FYB1: variants seen among roughly 807,000 people sequenced by gnomAD.
FYB1 encodes the protein FYN binding protein 1.
A neutral mutation model predicts 94.1 loss-of-function variants in FYB1; 41 were observed. The ratio of observed to expected loss-of-function variants is 0.44; its 90% CI spans 0.34 to 0.57. FYB1 has a LOEUF of 0.57. FYB1 is among the 20% of genes least tolerant of loss of function. FYB1 has a pLI of 0.02. For synonymous variants in FYB1, 367 were observed against 353.2 expected (o/e 1.04, Z -0.44); for missense variants, 1,050 against 976.8 (o/e 1.07, Z -1.00).
chr5:39,202,503 G>T lies in FYB1; in HGVS notation c.458C>A (p.Pro153Gln). ...GGTTGGAGGAGTAGGCCCAGATTTCGGGCCTAGTGGCTTTAAGTCATGGTC... is the reference window on the plus strand; with the variant it reads ...GGTTGGAGGAGTAGGCCCAGATTTCTGGCCTAGTGGCTTTAAGTCATGGTC... ...NQDHDLKPLGPKSGPTPPTSE... is the reference protein window; with the variant it reads ...NQDHDLKPLGQKSGPTPPTSE... The change falls in exon 2 of 19, where the codon CCG becomes CAG. Residue 153 changes from proline to glutamine, a missense_variant. Physicochemically the swap from Pro to Gln is moderately conservative, Grantham distance 76. Transcript: ENST00000512982. 6.2e-7 allele frequency: 1 copy of T among 1,613,918 alleles called. No homozygotes were observed. Among genetic ancestry groups the T allele is most frequent in the Non-Finnish European group, 8.5e-7 (1 of 1,179,874 alleles).
Position 39,118,918 on chromosome 5 carries a change from G to T in FYB1, c.2357C>A (p.Thr786Asn). Residue 786 changes from threonine to asparagine, a missense_variant, in exon 16 of 19, where the codon ACC becomes AAC. Physicochemically the swap from Thr to Asn is moderately conservative, Grantham distance 65. Coordinates refer to ENST00000512982, the MANE Select transcript of FYB1 (RefSeq NM_001465.6). The stretch of plus-strand genomic sequence containing the variant: ...GCAGAGAACTTTTGTGTCATCTGTG[G>T]TTTGTATAACTTCTAGAGATTCACC... The part of the protein sequence containing the change: ...KPGESLEVIQ[T>N]TDDTKVLCRN... 2 of 1,557,152 alleles carry T rather than the reference G, an allele frequency of 1.3e-6. 1 individual carries two copies. Among genetic ancestry groups the T allele is most frequent in the Non-Finnish European group, 1.7e-6 (2 of 1,147,004 alleles).
chr5:39,171,971 A>T (rs1312355221), intron 2 of FYB1, among the ~76,000 whole-genome samples: 1 of 152,190 alleles, frequency 6.6e-6, no homozygotes, highest in Non-Finnish European at 1.5e-5. Context: ...AAAGATAATG[A>T]GGAGAATCAG....
intron 2 of FYB1, among the ~76,000 whole-genome samples, chr5:39,190,253 T>C (rs987753930): frequency 6.6e-6 from 1 of 152,166 alleles, no homozygotes; most frequent in African/African-American, 2.4e-5. Context: ...TTTGCAATGA[T>C]GGTTGAAGGA....
rs767322410 is a variant in FYB1 at position 39,201,834 on chromosome 5, G to A, written c.1127C>T (p.Ser376Phe). The A allele has an allele frequency of 3.1e-6, 5 of 1,611,374 alleles. No individual in the cohort carries two copies. The highest frequency in any genetic ancestry group is 3.4e-6 in the Non-Finnish European group (4 of 1,178,222). ...ACGAGAAAAGAACTCACTGTTTCCA[G>A]AAGAGGTTTTGTGGAATTTCGTCAG... ...VDLTKFHKTSSGNSTSKGQTS... is the reference protein window; with the variant it reads ...VDLTKFHKTSFGNSTSKGQTS... The change falls in exon 2 of 19, where the codon TCT becomes TTT. Residue 376 changes from serine to phenylalanine, a missense_variant. Transcript: ENST00000512982.
intron 2 of FYB1, among the ~76,000 whole-genome samples, chr5:39,155,075 A>T (rs1360771496): frequency 6.6e-6 from 1 of 152,194 alleles, no homozygotes; most frequent in African/African-American, 2.4e-5. Flanking sequence ...AAAATATAAC[A>T]CAACGAAGAA....
chr5:39,206,953 T>C (rs1292526618), intron 1 of FYB1, among the ~76,000 whole-genome samples: 1 of 152,192 alleles, frequency 6.6e-6, no homozygotes, highest in Non-Finnish European at 1.5e-5. Flanking sequence ...ACCCTTGGGA[T>C]TGTTTGGTAC....
chr5:39,157,133 C>A (rs1193498461), intron 2 of FYB1, among the ~76,000 whole-genome samples: 2 of 152,082 alleles, frequency 1.3e-5, no homozygotes, highest in East Asian at 1.9e-4. Flanking sequence ...AATTAGTAAG[C>A]CGTAGCGGTG....
chr5:39,221,083 C>A (rs2150553982), upstream of FYB1, among the ~76,000 whole-genome samples: 1 of 152,268 alleles, frequency 6.6e-6, no homozygotes, highest in African/African-American at 2.4e-5. Context: ...CAGGATAAGG[C>A]ATTTTCTAGT....
At position 39,147,452 on chromosome 5, in the gene FYB1, C is replaced by CTGTGTGTGTGTG. The variant is rs71606520; in HGVS notation, c.1292+5984_1292+5995dup. 8.8e-3 allele frequency among the ~76,000 whole-genome samples: 1,271 copies of CTGTGTGTGTGTG among 144,586 alleles called. 23 individuals are homozygous for CTGTGTGTGTGTG. Among genetic ancestry groups the CTGTGTGTGTGTG allele is most frequent in the African/African-American group, 0.029 (1,132 of 38,582 alleles). The allele number at this position is 144,586 out of a possible 152,430, so 94.9% of individuals were successfully genotyped here. A position where few individuals can be genotyped will look rare whatever the true frequency, so the allele number is the denominator to read the frequency against. On this transcript the variant is annotated intron_variant, in intron 3 of 18. Transcript: ENST00000512982. ...CCCAGCTAAACTTTTGTACATATGC[C>CTGTGTGTGTGTG]TGTGTGTGTGTGTGTGTGTGTGTGT...
chr5:39,134,848 C>A lies in FYB1; in HGVS notation c.1675+7G>T. The A allele has an allele frequency of 6.2e-7, 1 of 1,613,020 alleles. No homozygotes were observed. Among genetic ancestry groups the A allele is most frequent in the South Asian group, 1.1e-5 (1 of 90,986 alleles). On this transcript the variant is annotated splice_region_variant and intron_variant, in intron 8 of 18. Coordinates refer to ENST00000512982, the MANE Select transcript of FYB1 (RefSeq NM_001465.6). ...TACTTCGAAGCCATAGAGAAATTTG[C>A]ACTCACATGAACCCCTTGCTGTTCT...
At chr5:39,274,508 T>C (rs1372123006) in exon 1 of FYB1, 1 of 152,202 alleles carries the variant, frequency 6.6e-6, no homozygotes, top group Admixed American at 6.5e-5. Context: ...TGTTTGCCCT[T>C]TATGGTTCTC....
intron 2 of FYB1, among the ~76,000 whole-genome samples, chr5:39,181,438 A>G (rs981026966): frequency 2.6e-5 from 4 of 152,210 alleles, no homozygotes; most frequent in African/African-American, 9.7e-5. Flanking sequence ...ATAGGACAGT[A>G]TAGAACTGAT....
chr5:39,214,327 A>T (rs1465878470), intron 1 of FYB1, among the ~76,000 whole-genome samples: 1 of 152,222 alleles, frequency 6.6e-6, no homozygotes, highest in Non-Finnish European at 1.5e-5. Context: ...AGAAAACAGT[A>T]TGGTGGTTAT....
In FYB1 at chr5:39,219,438, G is replaced by GT; in HGVS notation, c.-28+4dup. On this transcript the variant is annotated splice_donor_region_variant and intron_variant, in intron 1 of 18. Coordinates refer to ENST00000512982, the MANE Select transcript of FYB1 (RefSeq NM_001465.6). ...TGAAAGAAGAAACCTAGGCATAGCTGTTACCTGACTCCTGCAGAAGAAGGC... is the reference window on the plus strand; with the variant it reads ...TGAAAGAAGAAACCTAGGCATAGCTGTTTACCTGACTCCTGCAGAAGAAGGC... The GT allele has an allele frequency of 1.0e-6, 1 of 985,488 alleles. No individual in the cohort carries two copies. The highest frequency in any genetic ancestry group is 1.2e-6 in the Non-Finnish European group (1 of 829,928). 61.0% of individuals were successfully genotyped at this position (985,488 alleles called of 1,614,324 possible). A position where few individuals can be genotyped will look rare whatever the true frequency, so the allele number is the denominator to read the frequency against.
chr5:39,239,202 A>G (rs1661856), intron 1 of FYB1, among the ~76,000 whole-genome samples: 24,402 of 152,110 alleles, frequency 0.16, 5,207 homozygotes, highest in African/African-American at 0.47. Context: ...CACAGCCAAC[A>G]TCATACTAAA....
chr5:39,147,682 T>C (rs972152753), intron 3 of FYB1, among the ~76,000 whole-genome samples: 2 of 150,408 alleles, frequency 1.3e-5, no homozygotes, highest in African/African-American at 4.9e-5. Context: ...CTGCAGATGA[T>C]AAAGTCCACC....
intron 1 of FYB1, among the ~76,000 whole-genome samples, chr5:39,232,723 C>A (rs1396475322): frequency 2.9e-4 from 43 of 149,218 alleles, no homozygotes; most frequent in African/African-American, 1.1e-3. Flanking sequence ...CCCCCTCCCC[C>A]CAACCCACAA....
chr5:39,140,089 A>G (rs1742030673), intron 4 of FYB1: 1 of 152,222 alleles, frequency 6.6e-6, no homozygotes, highest in Non-Finnish European at 1.5e-5. Context: ...TTTTCTAGGA[A>G]AAAAGACTTC....
intron 18 of FYB1, among the ~76,000 whole-genome samples, chr5:39,107,883 T>C (rs1329553942): frequency 6.6e-6 from 1 of 152,104 alleles, no homozygotes; most frequent in African/African-American, 2.4e-5. Flanking sequence ...TTAGAGAATA[T>C]TGGTATTACT....
Sources: gnomAD v4.1 joint callset for allele counts (sites outside exome capture counted in the v4.1 genomes callset) on GRCh38, gnomAD v4.1.1 for gene constraint, MANE v1.5 for transcripts, NCBI Gene and HGNC (gene_info 2026-07-23, HGNC 2026-07-21) for gene names.